The following MYO18B variants were observed in gnomAD, a reference collection of about 807,000 sequenced individuals.
MYO18B encodes the protein unconventional myosin-XVIIIb.
A neutral mutation model predicts 273.0 loss-of-function variants in MYO18B; 204 were observed. The observed-to-expected ratio is 0.75, with a 90% CI of 0.67 to 0.84. The LOEUF (loss-of-function observed/expected upper bound fraction) is 0.84. Ranked by LOEUF, MYO18B falls within the 40% of genes least tolerant of loss-of-function variation. The pLI, the probability that MYO18B is intolerant of heterozygous loss-of-function variation, is 0.00. For synonymous variants in MYO18B, 1,330 were observed against 1,305.7 expected, an observed-to-expected ratio of 1.02 and a Z score of -0.40; for missense variants, 3,212 against 3,287.6, an observed-to-expected ratio of 0.98 and a Z score of 0.56.
chr22:26,028,117 C>T (rs964007920), intron 43 of MYO18B, among the ~76,000 whole-genome samples: 1 of 151,872 alleles, frequency 6.6e-6, no homozygotes, highest in Non-Finnish European at 1.5e-5. Flanking sequence ...TCTTGACGGG[C>T]GCCTGTAATC....
Position 26,027,562 on chromosome 22 carries a change from A to T in MYO18B, c.7588A>T (p.Ile2530Phe). 2 of 1,613,946 alleles carry T rather than the reference A, an allele frequency of 1.2e-6. No homozygotes were observed. The highest frequency in any genetic ancestry group is 1.7e-6 in the Non-Finnish European group (2 of 1,179,878). Reference protein sequence around the residue: ...SADSIKSRPGIPRLAGDGGER... With the variant: ...SADSIKSRPGFPRLAGDGGER... ...TGACAGCATCAAAAGTCGACCAGGA[A>T]TCCCACGACTTGCGGGTGACGGTGG... The change falls in exon 43 of 44, where the codon ATC becomes TTC. Residue 2530 changes from isoleucine (I) to phenylalanine (F), a missense_variant. By Grantham distance (21) the Ile-to-Phe change is conservative (BLOSUM62 0). Coordinates refer to ENST00000335473, the MANE Select transcript of MYO18B (RefSeq NM_032608.7). The surrounding 1 kb of genome is among the most constrained non-coding windows in gnomAD (Gnocchi z 4.1).
Position 26,030,754 on chromosome 22 carries a change from G to A in MYO18B, c.*324G>A, listed in dbSNP as rs116996974. On this transcript the variant is annotated 3_prime_UTR_variant, in exon 44 of 44. Coordinates refer to ENST00000335473, the MANE Select transcript of MYO18B (RefSeq NM_032608.7). ...CAACCCAAACTGTGTGTAGTTTGGG[G>A]TGTATACTTCTATTTCTCTTCCTAC... is the stretch of plus-strand genomic sequence containing the variant. 262 of 394,364 alleles carry A rather than the reference G, an allele frequency of 6.6e-4. 2 individuals carry two copies. In the East Asian group the frequency reaches 8.2e-3, roughly 12 times the overall value. 24.4% of individuals were successfully genotyped at this position (394,364 alleles called of 1,614,324 possible).
chr22:25,796,887 T>C (rs1045585237), intron 11 of MYO18B, among the ~76,000 whole-genome samples: 1 of 152,214 alleles, frequency 6.6e-6, no homozygotes, highest in Non-Finnish European at 1.5e-5. Flanking sequence ...CCATGCTGGC[T>C]TCTCCAGCTT....
At chr22:25,955,084 G>C in intron 38 of MYO18B, 95 bp from the exon 39 acceptor site, 2 of 1,305,008 alleles carry the variant, frequency 1.5e-6, no homozygotes, top group Non-Finnish European at 2.1e-6. Context: ...TGAAAACACA[G>C]GAAACTCGGC....
intron 12 of MYO18B, among the ~76,000 whole-genome samples, chr22:25,816,795 C>T (rs2089033195): frequency 6.6e-6 from 1 of 152,182 alleles, no homozygotes; most frequent in East Asian, 1.9e-4. Context: ...AGTCTGTCTC[C>T]AGAACATTGC....
At chr22:25,982,133 ACC>A (rs896562471) in intron 39 of MYO18B, among the ~76,000 whole-genome samples, 20 of 152,154 alleles carry the variant, frequency 1.3e-4, no homozygotes, top group African/African-American at 4.8e-4. Flanking sequence ...GGGGAAATCC[ACC>A]CCCATGATCC....
intron 2 of MYO18B, chr22:25,763,028 CT>C (rs765454251): frequency 1.3e-5 from 10 of 751,392 alleles, no homozygotes; most frequent in Admixed American, 3.5e-5. Flanking sequence ...CTGGCTGCCC[CT>C]GTGTTCCATT....
intron 39 of MYO18B, among the ~76,000 whole-genome samples, chr22:25,957,134 C>A (rs1408876114): frequency 6.6e-6 from 1 of 152,220 alleles, no homozygotes; most frequent in African/African-American, 2.4e-5. Context: ...CCTGCAAGCT[C>A]TGGCTGGGAG....
At chr22:25,893,814 T>TCCAC in intron 27 of MYO18B, among the ~76,000 whole-genome samples, 1 of 149,346 alleles carries the variant, frequency 6.7e-6, no homozygotes, top group African/African-American at 2.5e-5. Context: ...CACCCATCCA[T>TCCAC]CCATTTATCC....
At chr22:25,978,336 G>A (rs1193054105) in intron 39 of MYO18B, among the ~76,000 whole-genome samples, 1 of 152,196 alleles carries the variant, frequency 6.6e-6, no homozygotes, top group Non-Finnish European at 1.5e-5. Context: ...AGGCAGAGTA[G>A]AGCATTCCAG....
At chr22:25,888,702 T>C (rs16980979) in intron 25 of MYO18B, among the ~76,000 whole-genome samples, 10,607 of 152,298 alleles carry the variant, frequency 0.07, 380 homozygotes, top group East Asian at 0.094. Flanking sequence ...ATTAATTAAC[T>C]GGAGGTCCTG....
intron 17 of MYO18B, among the ~76,000 whole-genome samples, chr22:25,839,661 C>T (rs974030279): frequency 6.6e-5 from 10 of 152,152 alleles, no homozygotes; most frequent in African/African-American, 2.4e-4. Context: ...AAAGGCCAGT[C>T]GGACTTGTGA....
At position 25,984,897 on chromosome 22, in the gene MYO18B, G is replaced by A. The variant is rs565491343; in HGVS notation, c.6157-7466G>A. 4.0e-4 allele frequency among the ~76,000 whole-genome samples: 61 copies of A among 152,282 alleles called. No homozygotes were observed. In the South Asian group the frequency reaches 0.012, roughly 30 times the overall value. ...TGGAATGAAACACTTGGCTTGGTGA[G>A]TTGAGATAATGGATTCTAGCCCCTG... On this transcript the variant is annotated intron_variant, in intron 39 of 43. Transcript: ENST00000335473.
At chr22:25,756,098 C>G (rs758119810) in intron 1 of MYO18B, among the ~76,000 whole-genome samples, 1 of 151,982 alleles carries the variant, frequency 6.6e-6, no homozygotes, top group African/African-American at 2.4e-5. Context: ...GGGGTTTCAC[C>G]GTGTTAGCCA....
chr22:25,783,394 T>C (rs1003958098), intron 10 of MYO18B, among the ~76,000 whole-genome samples: 1 of 152,250 alleles, frequency 6.6e-6, no homozygotes, highest in African/African-American at 2.4e-5. Flanking sequence ...AATGGTGTAA[T>C]GTGGGAAGGA....
chr22:25,867,643 T>TTTCTTTC (rs2090927534), intron 21 of MYO18B, among the ~76,000 whole-genome samples: 2 of 61,056 alleles, frequency 3.3e-5, no homozygotes, highest in African/African-American at 1.4e-4. Context: ...TTCTTTCTTT[T>TTTCTTTC]TTTTGAGACG....
intron 36 of MYO18B, among the ~76,000 whole-genome samples, chr22:25,948,956 A>C (rs1480581946): frequency 6.6e-6 from 1 of 152,084 alleles, no homozygotes; most frequent in Non-Finnish European, 1.5e-5. Context: ...CCTTCCAAGC[A>C]GAGGAAATAG....
At chr22:25,948,353 C>G (rs754177585) in intron 36 of MYO18B, among the ~76,000 whole-genome samples, 44 of 152,188 alleles carry the variant, frequency 2.9e-4, no homozygotes, top group Non-Finnish European at 5.0e-4. Context: ...ACCGCTTACC[C>G]ATTTATTCAC....
intron 21 of MYO18B, among the ~76,000 whole-genome samples, chr22:25,857,695 C>A (rs1479323489): frequency 6.6e-6 from 1 of 152,192 alleles, no homozygotes; most frequent in East Asian, 1.9e-4. Flanking sequence ...GCTCTGTTGC[C>A]CAGGCTGGAG....
Sources: gnomAD v4.1 joint callset for allele counts (sites outside exome capture counted in the v4.1 genomes callset) on GRCh38, gnomAD v4.1.1 for gene constraint, Gnocchi (gnomAD v3.1) non-coding constraint, MANE v1.5 for transcripts, NCBI Gene and HGNC (gene_info 2026-07-23, HGNC 2026-07-21) for gene names.